The following PSTPIP2 variants were observed in gnomAD, a reference collection of about 807,000 sequenced individuals.
PSTPIP2 encodes the protein proline-serine-threonine phosphatase interacting protein 2.
Under a neutral mutation model 63.3 loss-of-function variants are expected in PSTPIP2, and 33 were observed. The observed-to-expected ratio is 0.52, with a 90% CI of 0.40 to 0.70. The LOEUF (loss-of-function observed/expected upper bound fraction) is 0.70, where lower values mean the gene tolerates loss of function less well. Ranked by LOEUF, PSTPIP2 falls within the 30% of genes least tolerant of loss-of-function variation. PSTPIP2 has a pLI of 0.00. For missense variants in PSTPIP2, 312 were observed against 400.7 expected (o/e 0.78, Z 1.89); for synonymous variants, 125 against 132.7 (o/e 0.94, Z 0.40).
chr18:46,046,067 G>A (rs1255178835), intron 1 of PSTPIP2, among the ~76,000 whole-genome samples: 1 of 152,160 alleles, frequency 6.6e-6, no homozygotes, highest in Non-Finnish European at 1.5e-5. Context: ...ACTTATATAT[G>A]GTCAACTGAC....
chr18:46,048,414 G>T (rs1292157023), intron 1 of PSTPIP2, among the ~76,000 whole-genome samples: 1 of 152,184 alleles, frequency 6.6e-6, no homozygotes, highest in Non-Finnish European at 1.5e-5. Context: ...AAATCATCTT[G>T]TTTTAAGCAT....
At chr18:45,987,968 T>C (rs1340927730) in intron 14 of PSTPIP2, among the ~76,000 whole-genome samples, 1 of 152,208 alleles carries the variant, frequency 6.6e-6, no homozygotes, top group African/African-American at 2.4e-5. Flanking sequence ...CTTGTGTGTA[T>C]AATGAGTGTG....
At chr18:45,986,898 C>T (rs750332273) in intron 14 of PSTPIP2, among the ~76,000 whole-genome samples, 11 of 152,150 alleles carry the variant, frequency 7.2e-5, no homozygotes, top group Admixed American at 2.0e-4. Flanking sequence ...AGTGCAGTGG[C>T]GCAATCTCAG....
chr18:46,023,612 C>CA (rs1907458595), intron 3 of PSTPIP2, among the ~76,000 whole-genome samples: 1 of 151,600 alleles, frequency 6.6e-6, no homozygotes, highest in Non-Finnish European at 1.5e-5. Flanking sequence ...TTATCACAAA[C>CA]AAAAAAATAT....
intron 12 of PSTPIP2, 71 bp from the exon 13 acceptor site, chr18:45,990,827 A>G (rs1347222256): frequency 7.6e-7 from 1 of 1,322,986 alleles, no homozygotes; most frequent in South Asian, 1.3e-5. Context: ...ACTTCTTGCT[A>G]CAAGCCTATT....
intron 1 of PSTPIP2, among the ~76,000 whole-genome samples, chr18:46,069,210 C>T (rs938950068): frequency 2.6e-5 from 4 of 152,174 alleles, no homozygotes; most frequent in Admixed American, 6.5e-5. Context: ...CACTGTCACC[C>T]GTGCATGCCC....
intron 1 of PSTPIP2, among the ~76,000 whole-genome samples, chr18:46,040,494 G>T (rs941847670): frequency 6.6e-6 from 1 of 152,188 alleles, no homozygotes; most frequent in Non-Finnish European, 1.5e-5. Flanking sequence ...GGATAAGGAA[G>T]TTCCACAAAT....
intron 1 of PSTPIP2, among the ~76,000 whole-genome samples, chr18:46,064,961 A>C (rs1164840072): frequency 1.3e-5 from 2 of 151,746 alleles, no homozygotes; most frequent in Non-Finnish European, 2.9e-5. Flanking sequence ...CCTGACCAAC[A>C]TGGAAAAACC....
chr18:46,031,927 T>G (rs1000376550), intron 2 of PSTPIP2, among the ~76,000 whole-genome samples: 3 of 152,082 alleles, frequency 2.0e-5, no homozygotes, highest in Non-Finnish European at 2.9e-5. Flanking sequence ...TTAATGGAAG[T>G]GAAACTAGAA....
intron 10 of PSTPIP2, among the ~76,000 whole-genome samples, chr18:45,992,562 C>CAA (rs34243282): frequency 1.5e-3 from 185 of 124,732 alleles, no homozygotes; most frequent in Middle Eastern, 9.1e-3. Context: ...GACTCCGTCT[C>CAA]AAAAAAAAAA....
intron 3 of PSTPIP2, among the ~76,000 whole-genome samples, chr18:46,017,732 A>G (rs538374356): frequency 3.3e-5 from 5 of 152,206 alleles, no homozygotes; most frequent in East Asian, 1.9e-4. Context: ...GCAAAGTTAC[A>G]TATGTATTAC....
intron 5 of PSTPIP2, among the ~76,000 whole-genome samples, chr18:46,009,300 T>C (rs114797064): frequency 6.8e-6 from 1 of 146,484 alleles, no homozygotes; most frequent in African/African-American, 2.5e-5. Context: ...CCAAAGCGTG[T>C]GTCTGACCAG....
chr18:46,010,153 AGG>A (rs2051779961), intron 5 of PSTPIP2, among the ~76,000 whole-genome samples: 1 of 152,214 alleles, frequency 6.6e-6, no homozygotes, highest in Non-Finnish European at 1.5e-5. Flanking sequence ...AGTGGCCGCC[AGG>A]GAAGCTGGAC....
intron 2 of PSTPIP2, among the ~76,000 whole-genome samples, chr18:46,034,822 TG>T (rs1342098166): frequency 1.3e-5 from 2 of 152,232 alleles, no homozygotes; most frequent in African/African-American, 4.8e-5. Context: ...AGAGTTTTTA[TG>T]AGAATTAAAT....
At chr18:46,066,595 CAGA>C (rs1909197417) in intron 1 of PSTPIP2, among the ~76,000 whole-genome samples, 1 of 152,200 alleles carries the variant, frequency 6.6e-6, no homozygotes, top group Non-Finnish European at 1.5e-5. Context: ...GGTCTCTCAC[CAGA>C]AGGTGAGCCC....
At chr18:46,051,021 C>T (rs969618668) in intron 1 of PSTPIP2, among the ~76,000 whole-genome samples, 1 of 152,130 alleles carries the variant, frequency 6.6e-6, no homozygotes, top group Non-Finnish European at 1.5e-5. Context: ...CACCACCACA[C>T]CTGGCTAATT....
At chr18:46,050,883 G>C (rs929714584) in intron 1 of PSTPIP2, among the ~76,000 whole-genome samples, 1 of 148,472 alleles carries the variant, frequency 6.7e-6, no homozygotes, top group Admixed American at 6.7e-5. Context: ...TTTTTTTTGA[G>C]ATGGAGTCTC....
At chr18:46,002,158 T>C (rs1309680328) in intron 6 of PSTPIP2, among the ~76,000 whole-genome samples, 1 of 152,210 alleles carries the variant, frequency 6.6e-6, no homozygotes, top group Non-Finnish European at 1.5e-5. Flanking sequence ...TTCTCTCTCA[T>C]TTAGTTTTCA....
At chr18:46,036,989 C>CAAAAAA (rs1424010248) in intron 2 of PSTPIP2, among the ~76,000 whole-genome samples, 5 of 152,038 alleles carry the variant, frequency 3.3e-5, no homozygotes, top group African/African-American at 1.2e-4. Context: ...TTGATGAACT[C>CAAAAAA]AAAATAATAA....
Sources: allele counts gnomAD v4.1 joint callset (sites outside exome capture counted in the v4.1 genomes callset), GRCh38; gene constraint gnomAD v4.1.1; transcripts MANE v1.5; gene names NCBI Gene and HGNC (gene_info 2026-07-23, HGNC 2026-07-21).